The following DLGAP1 variants were observed in gnomAD, a reference collection of about 807,000 sequenced individuals.
DLGAP1 encodes disks large-associated protein 1.
A neutral mutation model predicts 90.8 loss-of-function variants in DLGAP1; 11 were observed. The ratio of observed to expected loss-of-function variants is 0.12; its 90% confidence interval spans 0.08 to 0.20. The LOEUF is 0.20. Ranked by LOEUF, DLGAP1 falls within the 10% of genes least tolerant of loss-of-function variation. The pLI is 1.00. For missense variants in DLGAP1, 1,050 were observed against 1,333.8 expected, an observed-to-expected ratio of 0.79 and a Z score of 3.31; for synonymous variants, 558 against 540.7, an observed-to-expected ratio of 1.03 and a Z score of -0.44.
At chr18:4,203,703 A>G (rs1380454891) in intron 1 of DLGAP1, among the ~76,000 whole-genome samples, 1 of 152,170 alleles carries the variant, frequency 6.6e-6, no homozygotes, top group African/African-American at 2.4e-5. Flanking sequence ...GTTCATGGTA[A>G]CATGCTAGGC....
chr18:4,247,077 CAAG>C (rs1163726307), intron 1 of DLGAP1, among the ~76,000 whole-genome samples: 1 of 151,196 alleles, frequency 6.6e-6, no homozygotes, highest in Non-Finnish European at 1.5e-5. Flanking sequence ...TGTAATAGGA[CAAG>C]GAGGAGAAGG....
intron 8 of DLGAP1, chr18:3,580,756 G>A: frequency 6.2e-7 from 1 of 1,613,106 alleles, no homozygotes; most frequent in Non-Finnish European, 8.5e-7. Context: ...CCCCTCAGGT[G>A]TGACCGGAGA....
chr18:3,523,584 A>G (rs370619640), intron 10 of DLGAP1, among the ~76,000 whole-genome samples: 106 of 152,228 alleles, frequency 7.0e-4, no homozygotes, highest in East Asian at 3.9e-3. Context: ...GCGGTGGCTC[A>G]CGCCTGTAAT....
At chr18:4,368,697 G>C (rs1471677863) in intron 1 of DLGAP1, among the ~76,000 whole-genome samples, 1 of 147,208 alleles carries the variant, frequency 6.8e-6, no homozygotes, top group Non-Finnish European at 1.5e-5. Flanking sequence ...TATTGGTTCT[G>C]TTTCTCTAGA....
At chr18:3,975,109 A>G (rs1199085646) in intron 3 of DLGAP1, among the ~76,000 whole-genome samples, 1 of 152,132 alleles carries the variant, frequency 6.6e-6, no homozygotes, top group East Asian at 1.9e-4. Flanking sequence ...GATCTGTTGC[A>G]CCACAATGTG....
At chr18:3,959,923 CA>C (rs2073164292) in intron 3 of DLGAP1, among the ~76,000 whole-genome samples, 1 of 152,142 alleles carries the variant, frequency 6.6e-6, no homozygotes, top group African/African-American at 2.4e-5. Flanking sequence ...TTTACACTTA[CA>C]TCACATTTCA....
At chr18:3,885,283 C>G (rs1444573452) in intron 3 of DLGAP1, 3 of 152,192 alleles carry the variant, frequency 2.0e-5, no homozygotes, top group Non-Finnish European at 4.4e-5. Context: ...TTGCTGCCAC[C>G]TGTGGTGTGA....
At chr18:4,113,042 C>T (rs1402502564) in intron 2 of DLGAP1, among the ~76,000 whole-genome samples, 9 of 151,338 alleles carry the variant, frequency 5.9e-5, no homozygotes, top group Admixed American at 2.6e-4. Context: ...TCCATGTCTT[C>T]GCTATTGTAA....
chr18:3,637,002 C>T (rs1567875687), intron 7 of DLGAP1, among the ~76,000 whole-genome samples: 1 of 152,062 alleles, frequency 6.6e-6, no homozygotes, highest in Non-Finnish European at 1.5e-5. Flanking sequence ...GGATTACAGG[C>T]GTTAGCCACT....
chr18:3,847,934 C>T (rs1177262243), intron 4 of DLGAP1, among the ~76,000 whole-genome samples: 1 of 151,660 alleles, frequency 6.6e-6, no homozygotes, highest in East Asian at 1.9e-4. Flanking sequence ...TTTGAGACCT[C>T]CCTGGGCAAC....
At chr18:4,113,904 A>G (rs918639830) in intron 2 of DLGAP1, among the ~76,000 whole-genome samples, 1 of 152,104 alleles carries the variant, frequency 6.6e-6, no homozygotes, top group Non-Finnish European at 1.5e-5. Flanking sequence ...TGACTTTGTC[A>G]AAGATCAGAT....
intron 2 of DLGAP1, among the ~76,000 whole-genome samples, chr18:4,041,317 TG>T (rs1461184089): frequency 2.0e-5 from 3 of 152,220 alleles, no homozygotes; most frequent in East Asian, 3.8e-4. Flanking sequence ...TTTATAGGAT[TG>T]TCACACTATT....
intron 4 of DLGAP1, among the ~76,000 whole-genome samples, chr18:3,836,322 C>T (rs966600585): frequency 6.6e-6 from 1 of 152,066 alleles, no homozygotes; most frequent in South Asian, 2.1e-4. Flanking sequence ...TAAAAAAATA[C>T]ACTTTAGGAG....
chr18:3,930,055 ATTATC>A (rs1318646135), intron 3 of DLGAP1, among the ~76,000 whole-genome samples: 1 of 152,204 alleles, frequency 6.6e-6, no homozygotes, highest in Non-Finnish European at 1.5e-5. Flanking sequence ...AACACCAGGT[ATTATC>A]TTAAACAGAA....
chr18:3,658,812 G>A (rs776690797), intron 7 of DLGAP1, among the ~76,000 whole-genome samples: 4 of 152,176 alleles, frequency 2.6e-5, no homozygotes, highest in Admixed American at 6.5e-5. Flanking sequence ...GTCAGCAAAT[G>A]TCATTCAACT....
At chr18:4,030,132 AC>A (rs1284001010) in intron 2 of DLGAP1, among the ~76,000 whole-genome samples, 4 of 152,074 alleles carry the variant, frequency 2.6e-5, no homozygotes, top group Non-Finnish European at 4.4e-5. Context: ...AGCTGATCTC[AC>A]AGGCATGTGC....
At chr18:4,209,292 C>T (rs150964304) in intron 1 of DLGAP1, among the ~76,000 whole-genome samples, 540 of 152,054 alleles carry the variant, frequency 3.6e-3, no homozygotes, top group African/African-American at 0.012. Flanking sequence ...GCAAAGAGGC[C>T]AAAAGAGACA....
rs116389274 is a variant in DLGAP1 at position 4,169,972 on chromosome 18, C to A, written c.-266-18685G>T. ...AAAATAATCCACTCACTCTACATTA[C>A]ACTCAGCTCTGTCAGAATTAAATGA... is the stretch of plus-strand genomic sequence containing the variant. On this transcript the variant is annotated intron_variant, in intron 1 of 12. Coordinates refer to ENST00000315677, the MANE Select transcript of DLGAP1 (RefSeq NM_004746.4). Among the ~76,000 whole-genome samples, 321 of 152,280 alleles carry A rather than the reference C, an allele frequency of 2.1e-3. 2 individuals are homozygous for A. The highest frequency in any genetic ancestry group is 7.5e-3 in the African/African-American group (313 of 41,548).
intron 7 of DLGAP1, among the ~76,000 whole-genome samples, chr18:3,714,422 T>C (rs1043129414): frequency 2.0e-5 from 3 of 152,182 alleles, no homozygotes; most frequent in African/African-American, 7.2e-5. Flanking sequence ...CCAGAAGGGA[T>C]GACGGTACAA....
Sources: gnomAD v4.1 joint callset for allele counts (sites outside exome capture counted in the v4.1 genomes callset) on GRCh38, gnomAD v4.1.1 for gene constraint, MANE v1.5 for transcripts, NCBI Gene and HGNC (gene_info 2026-07-23, HGNC 2026-07-21) for gene names.